FLRT2: variants seen among roughly 807,000 people sequenced by gnomAD.
The protein encoded by FLRT2 is fibronectin leucine rich transmembrane protein 2.
In FLRT2, 15 loss-of-function variants were observed where a neutral mutation model predicts 40.0. The ratio of observed to expected loss-of-function variants is 0.38; its 90% confidence interval spans 0.25 to 0.58. FLRT2 has a LOEUF of 0.58. Among genes scored for constraint, FLRT2 ranks in the 20% least tolerant of loss-of-function variants. The pLI, the probability that FLRT2 is intolerant of heterozygous loss-of-function variation, is 0.71. For synonymous variants in FLRT2, 380 were observed against 336.8 expected (o/e 1.13, Z -1.41); for missense variants, 726 against 840.0 (o/e 0.86, Z 1.68).
Position 85,630,960 on chromosome 14 carries a change from C to G in FLRT2, c.*7463C>G, listed in dbSNP as rs550177645. On this transcript the variant is annotated 3_prime_UTR_variant, in exon 2 of 2. Coordinates refer to ENST00000330753, the MANE Select transcript of FLRT2 (RefSeq NM_013231.6). The stretch of plus-strand genomic sequence containing the variant: ...GATACTGCAGTGCTTGCAAAACATG[C>G]GTTTTTATTGCTTGCAAGATAGAAT... 2 of 151,538 alleles carry G rather than the reference C, an allele frequency of 1.3e-5. No homozygotes were observed. Among genetic ancestry groups the G allele is most frequent in the African/African-American group, 2.4e-5 (1 of 41,154 alleles). 9.4% of individuals were successfully genotyped at this position (151,538 alleles called of 1,614,324 possible). A position where few individuals can be genotyped will look rare whatever the true frequency, so the allele number is the denominator to read the frequency against.
intron 1 of FLRT2, among the ~76,000 whole-genome samples, chr14:85,620,510 C>T (rs1595094359): frequency 6.6e-6 from 1 of 152,122 alleles, no homozygotes; most frequent in East Asian, 1.9e-4. Context: ...TTTTAAAATA[C>T]ATTTTAAAAG....
At chr14:85,560,795 G>T (rs547936746) in intron 1 of FLRT2, 7 of 150,734 alleles carry the variant, frequency 4.6e-5, no homozygotes, top group African/African-American at 1.7e-4. Context: ...GCCTGCCTGC[G>T]TTAGGGTCTC....
intron 1 of FLRT2, among the ~76,000 whole-genome samples, chr14:85,567,673 C>T (rs989578199): frequency 1.5e-5 from 2 of 132,360 alleles, no homozygotes; most frequent in African/African-American, 5.7e-5. Context: ...CGGAGTCTCA[C>T]TCTGTCACCC....
At chr14:85,548,929 A>G (rs905416271) in intron 1 of FLRT2, among the ~76,000 whole-genome samples, 5 of 152,184 alleles carry the variant, frequency 3.3e-5, no homozygotes, top group African/African-American at 4.8e-5. Flanking sequence ...AGCAGCTGAG[A>G]AAGACAGAAG....
At chr14:85,591,957 G>A (rs1035667800) in intron 1 of FLRT2, among the ~76,000 whole-genome samples, 3 of 152,090 alleles carry the variant, frequency 2.0e-5, no homozygotes, top group African/African-American at 4.8e-5. Flanking sequence ...ATTTTAATAT[G>A]CATTTATGTC....
intron 1 of FLRT2, among the ~76,000 whole-genome samples, chr14:85,578,098 G>GTA (rs1334054303): frequency 7.0e-6 from 1 of 142,348 alleles, no homozygotes; most frequent in Non-Finnish European, 1.5e-5. Context: ...GTTGTTTAAA[G>GTA]TATATATATA....
At chr14:85,558,690 C>T (rs188730430) in intron 1 of FLRT2, among the ~76,000 whole-genome samples, 67 of 152,260 alleles carry the variant, frequency 4.4e-4, no homozygotes, top group African/African-American at 1.5e-3. Context: ...TGTAATTGCT[C>T]AGATGAAGGG....
rs545651699 is a variant in FLRT2 at position 85,653,083 on chromosome 14, G to A, written c.*29586G>A. 2 of 152,260 alleles carry A rather than the reference G, an allele frequency of 1.3e-5. No homozygotes were observed. The highest frequency in any genetic ancestry group is 2.1e-4 in the South Asian group (1 of 4,824). The allele number at this position is 152,260 out of a possible 1,614,324, so 9.4% of individuals were successfully genotyped here. On this transcript the variant is annotated 3_prime_UTR_variant, in exon 2 of 2. Coordinates refer to ENST00000330753, the MANE Select transcript of FLRT2 (RefSeq NM_013231.6). Reference sequence around the variant, plus strand: ...ATGGCCATTACCTAAAAGAAAGAAGGCAGCAAATGGTTCCAGACATTTATA... The same window carrying A: ...ATGGCCATTACCTAAAAGAAAGAAGACAGCAAATGGTTCCAGACATTTATA...
intron 1 of FLRT2, among the ~76,000 whole-genome samples, chr14:85,557,628 T>C (rs1332761475): frequency 6.6e-6 from 1 of 151,924 alleles, no homozygotes; most frequent in African/African-American, 2.4e-5. Flanking sequence ...CTGACCAATA[T>C]GATGAAACTA....
At chr14:85,569,125 G>A (rs944112246) in intron 1 of FLRT2, among the ~76,000 whole-genome samples, 2 of 152,166 alleles carry the variant, frequency 1.3e-5, no homozygotes, top group African/African-American at 4.8e-5. Flanking sequence ...AAACTCGTGA[G>A]GGCTCTTTGG....
chr14:85,570,849 T>C (rs1595039095), intron 1 of FLRT2, among the ~76,000 whole-genome samples: 1 of 152,000 alleles, frequency 6.6e-6, no homozygotes, highest in East Asian at 2.0e-4. Flanking sequence ...CCTCCCAAGG[T>C]GCTGGGATTA....
intron 1 of FLRT2, among the ~76,000 whole-genome samples, chr14:85,602,876 A>G (rs1892439658): frequency 1.3e-5 from 2 of 152,004 alleles, no homozygotes; most frequent in African/African-American, 4.8e-5. Flanking sequence ...AATAATGATT[A>G]CCTCTGTTTT....
At chr14:85,570,911 A>G (rs1231299210) in intron 1 of FLRT2, among the ~76,000 whole-genome samples, 1 of 151,960 alleles carries the variant, frequency 6.6e-6, no homozygotes, top group Non-Finnish European at 1.5e-5. Flanking sequence ...TTAAAAAAAC[A>G]ACTCTGGTGG....
intron 1 of FLRT2, chr14:85,552,599 A>G (rs1267085000): frequency 6.6e-6 from 1 of 152,228 alleles, no homozygotes; most frequent in Non-Finnish European, 1.5e-5. Flanking sequence ...TCTAAAGGGC[A>G]GAGCCATCAT....
chr14:85,564,080 G>A (rs865875065), intron 1 of FLRT2, among the ~76,000 whole-genome samples: 19 of 152,178 alleles, frequency 1.2e-4, no homozygotes, highest in Non-Finnish European at 2.4e-4. Flanking sequence ...GAAGGAGAGG[G>A]TGGACAGAGC....
intron 1 of FLRT2, among the ~76,000 whole-genome samples, chr14:85,567,829 C>T (rs1289574932): frequency 3.3e-5 from 5 of 151,864 alleles, no homozygotes; most frequent in South Asian, 2.1e-4. Context: ...TTAGTAGAGA[C>T]GGGGTTCCAC....
At chr14:85,548,363 G>A (rs753787335) in intron 1 of FLRT2, among the ~76,000 whole-genome samples, 115 of 152,306 alleles carry the variant, frequency 7.6e-4, no homozygotes, top group Non-Finnish European at 8.1e-4. Context: ...CCAAAGCAGT[G>A]CAGCCTCTTG....
chr14:85,623,318 A>G lies in FLRT2; in HGVS notation c.1804A>G (p.Met602Val). 1 of 1,516,386 alleles carries G rather than the reference A, an allele frequency of 6.6e-7. No homozygotes were observed. The allele number at this position is 1,516,386 out of a possible 1,614,324, so 93.9% of individuals were successfully genotyped here. A position where few individuals can be genotyped will look rare whatever the true frequency, so the allele number is the denominator to read the frequency against. Residue 602 changes from methionine to valine, a missense_variant, in exon 2 of 2, where the codon ATG (methionine) becomes GTG (valine). By Grantham distance (21) the Met-to-Val change is conservative. Coordinates refer to ENST00000330753, the MANE Select transcript of FLRT2 (RefSeq NM_013231.6). ...GTKKDNSILE[M>V]TETSFQIVSL... The stretch of plus-strand genomic sequence containing the variant: ...CAAGAAGGACAACTCCATCCTGGAG[A>G]TGACAGAAACCAGTTTTCAGATCGT...
chr14:85,563,361 G>A (rs1282634336), intron 1 of FLRT2, among the ~76,000 whole-genome samples: 3 of 152,162 alleles, frequency 2.0e-5, no homozygotes, highest in Non-Finnish European at 4.4e-5. Flanking sequence ...CACACCTTGT[G>A]TTAGTTTGTT....
Sources: gnomAD v4.1 joint callset for allele counts (sites outside exome capture counted in the v4.1 genomes callset) on GRCh38, gnomAD v4.1.1 for gene constraint, MANE v1.5 for transcripts, NCBI Gene and HGNC (gene_info 2026-07-23, HGNC 2026-07-21) for gene names.